Variants in CDH20 observed in about 807,000 individuals in gnomAD.
The protein encoded by CDH20 is cadherin-20.
In CDH20, 29 loss-of-function variants were observed where a neutral mutation model predicts 74.2. The ratio of observed to expected loss-of-function variants is 0.39; its 90% confidence interval spans 0.29 to 0.53. The LOEUF is 0.53. Ranked by LOEUF, CDH20 falls within the 20% of genes least tolerant of loss-of-function variation. The pLI is 0.69. For missense variants in CDH20, 988 were observed against 1,048.3 expected (o/e 0.94, Z 0.79); for synonymous variants, 469 against 405.4 (o/e 1.16, Z -1.88).
chr18:61,461,567 TAGA>T (rs1199095137), intron 1 of CDH20, among the ~76,000 whole-genome samples: 1 of 152,132 alleles, frequency 6.6e-6, no homozygotes, highest in Non-Finnish European at 1.5e-5. Context: ...CTCCTATTCT[TAGA>T]AGGACATCAG....
chr18:61,339,360 T>TACACACACACAC (rs35630137), intron 1 of CDH20, among the ~76,000 whole-genome samples: 33 of 145,938 alleles, frequency 2.3e-4, no homozygotes, highest in African/African-American at 8.0e-4. Flanking sequence ...GCAAGTTTAT[T>TACACACACACAC]ACACACACAC....
At chr18:61,463,817 C>T (rs533311802) in intron 1 of CDH20, among the ~76,000 whole-genome samples, 3 of 152,272 alleles carry the variant, frequency 2.0e-5, no homozygotes, top group South Asian at 2.1e-4. Flanking sequence ...TCAGGAAGCA[C>T]ACATTCCTAA....
At chr18:61,395,481 C>T (rs1191806121) in intron 1 of CDH20, among the ~76,000 whole-genome samples, 1 of 152,086 alleles carries the variant, frequency 6.6e-6, no homozygotes, top group African/African-American at 2.4e-5. Context: ...ATGACCCATC[C>T]CAAACCTGGA....
chr18:61,346,419 A>G (rs2144102065), intron 1 of CDH20, among the ~76,000 whole-genome samples: 1 of 152,346 alleles, frequency 6.6e-6, no homozygotes, highest in East Asian at 1.9e-4. Flanking sequence ...TGAAGGCATG[A>G]AAAATAAGTA....
chr18:61,348,406 T>A (rs1433001766), intron 1 of CDH20, among the ~76,000 whole-genome samples: 2 of 152,178 alleles, frequency 1.3e-5, no homozygotes, highest in South Asian at 4.1e-4. Flanking sequence ...CACCATGTTT[T>A]ATGGTATCCT....
intron 1 of CDH20, among the ~76,000 whole-genome samples, chr18:61,443,773 C>T (rs1447257306): frequency 6.6e-6 from 1 of 152,080 alleles, no homozygotes; most frequent in Non-Finnish European, 1.5e-5. Context: ...ATTTGGACAG[C>T]CTTGGTCTCT....
intron 9 of CDH20, among the ~76,000 whole-genome samples, chr18:61,544,089 A>C (rs757824172): frequency 4.6e-5 from 7 of 152,250 alleles, no homozygotes; most frequent in Admixed American, 6.5e-5. Flanking sequence ...CCCTAAAGCA[A>C]AATTAAATCC....
intron 5 of CDH20, among the ~76,000 whole-genome samples, chr18:61,506,820 G>A (rs1911580353): frequency 6.6e-6 from 1 of 152,038 alleles, no homozygotes; most frequent in South Asian, 2.1e-4. Context: ...ACACACTGAG[G>A]GGCAGCACAT....
chr18:61,371,953 A>C (rs979594092), intron 1 of CDH20, among the ~76,000 whole-genome samples: 10 of 152,054 alleles, frequency 6.6e-5, no homozygotes, highest in African/African-American at 2.4e-4. Flanking sequence ...TTTCTCCCTC[A>C]TACTTTAAGG....
chr18:61,361,793 A>G (rs549796690), intron 1 of CDH20, among the ~76,000 whole-genome samples: 2 of 152,248 alleles, frequency 1.3e-5, no homozygotes, highest in East Asian at 3.9e-4. Context: ...ATTGTATTTT[A>G]TAAAAGCATG....
chr18:61,381,145 TAAAG>T (rs1228091674), intron 1 of CDH20, among the ~76,000 whole-genome samples: 6 of 152,148 alleles, frequency 3.9e-5, no homozygotes, highest in Admixed American at 3.3e-4. Context: ...AAATCACACT[TAAAG>T]AAGAAATTTA....
Position 61,555,657 on chromosome 18 carries a change from A to G in CDH20, c.*962A>G, listed in dbSNP as rs1385014800. On this transcript the variant is annotated 3_prime_UTR_variant, in exon 12 of 12. Coordinates refer to ENST00000262717, the MANE Select transcript of CDH20 (RefSeq NM_031891.4). ...CAAAAATCAGTATTATAGAGAATAA[A>G]TGGATGTAAGAAAATTACATGTACA... 1 of 980,394 alleles carries G rather than the reference A, an allele frequency of 1.0e-6. No homozygotes were observed. Among genetic ancestry groups the G allele is most frequent in the Non-Finnish European group, 1.2e-6 (1 of 825,430 alleles). The allele number at this position is 980,394 out of a possible 1,614,324, so 60.7% of individuals were successfully genotyped here. A position where few individuals can be genotyped will look rare whatever the true frequency, so the allele number is the denominator to read the frequency against.
At chr18:61,430,451 G>A (rs920956621) in intron 1 of CDH20, among the ~76,000 whole-genome samples, 9 of 152,072 alleles carry the variant, frequency 5.9e-5, no homozygotes, top group Non-Finnish European at 2.9e-5. Flanking sequence ...CTGATACAGT[G>A]TTGTCCGGTT....
At chr18:61,454,047 C>G (rs113950983) in intron 1 of CDH20, among the ~76,000 whole-genome samples, 89 of 152,222 alleles carry the variant, frequency 5.8e-4, no homozygotes, top group Non-Finnish European at 9.4e-4. Context: ...TTGCATTTCT[C>G]TAATGACTAA....
At position 61,490,620 on chromosome 18, in the gene CDH20, T is replaced by C. The variant is rs1910924272; in HGVS notation, c.67T>C (p.Trp23Arg). ...WLGLGMSLYF[W>R]GLMDLTTTVL... Reference sequence around the variant, plus strand: ...TGGACTTGGCATGTCCTTGTACTTCTGGGGGCTGATGGACCTTACGACCAC... The same window carrying C: ...TGGACTTGGCATGTCCTTGTACTTCCGGGGGCTGATGGACCTTACGACCAC... The change falls in exon 2 of 12, where the codon TGG becomes CGG. Residue 23 changes from tryptophan (W) to arginine (R), a missense_variant. Transcript: ENST00000262717. 6.2e-7 allele frequency: 1 copy of C among 1,614,010 alleles called. No individual in the cohort carries two copies. Among genetic ancestry groups the C allele is most frequent in the South Asian group, 1.1e-5 (1 of 91,072 alleles).
chr18:61,384,691 AT>A (rs1267033502), intron 1 of CDH20, among the ~76,000 whole-genome samples: 5 of 152,050 alleles, frequency 3.3e-5, no homozygotes, highest in Non-Finnish European at 7.4e-5. Context: ...ATAATAACCA[AT>A]TTTTTTCATG....
At chr18:61,367,068 A>G (rs900412843) in intron 1 of CDH20, among the ~76,000 whole-genome samples, 2 of 152,194 alleles carry the variant, frequency 1.3e-5, no homozygotes, top group Non-Finnish European at 1.5e-5. Flanking sequence ...AGTCTATTGT[A>G]TGCCTTAGTA....
At chr18:61,338,358 C>T (rs1378200742) in intron 1 of CDH20, among the ~76,000 whole-genome samples, 1 of 151,858 alleles carries the variant, frequency 6.6e-6, no homozygotes, top group Non-Finnish European at 1.5e-5. Flanking sequence ...TCAGAATAAT[C>T]TGCCAATCTC....
At chr18:61,495,459 C>A (rs530460697) in intron 2 of CDH20, among the ~76,000 whole-genome samples, 1 of 152,316 alleles carries the variant, frequency 6.6e-6, no homozygotes, top group Admixed American at 6.5e-5. Flanking sequence ...CTCTTCCAAC[C>A]ATCTCCTCTC....
Sources: gnomAD v4.1 joint callset for allele counts (sites outside exome capture counted in the v4.1 genomes callset) on GRCh38, gnomAD v4.1.1 for gene constraint, MANE v1.5 for transcripts, NCBI Gene and HGNC (gene_info 2026-07-23, HGNC 2026-07-21) for gene names.